The following DOK7 variants were observed in gnomAD, a reference collection of about 807,000 sequenced individuals.
DOK7 encodes docking protein 7.
Under a neutral mutation model 30.7 loss-of-function variants are expected in DOK7, and 32 were observed. The observed-to-expected ratio is 1.04, with a 90% CI of 0.79 to 1.40. DOK7 has a LOEUF of 1.40. DOK7 is among the 40% of genes most tolerant of loss of function. The probability of loss-of-function intolerance (pLI) is 0.00; values close to 1 mark genes in which losing one functional copy is unlikely to be tolerated. For synonymous variants in DOK7, 447 were observed against 324.1 expected (o/e 1.38, Z -4.07); for missense variants, 1,007 against 699.2 (o/e 1.44, Z -4.97).
At chr4:3,489,913 C>G (rs901920675) in intron 6 of DOK7, 117 bp downstream of exon 6, 4 of 1,428,852 alleles carry the variant, frequency 2.8e-6, no homozygotes, top group Non-Finnish European at 3.7e-6. Flanking sequence ...TTCATTCATT[C>G]CTTCTGTCTC....
Position 3,493,338 on chromosome 4 carries a change from G to A in DOK7, c.1352G>A (p.Arg451Gln), listed in dbSNP as rs200675356. ...CCCTCTGGCTGGCTGGGCACGAGAC[G>A]GCGGGGCCTGGTGATGGAGGCCCCC... is the stretch of plus-strand genomic sequence containing the variant. Reference protein sequence around the residue: ...GCPSGWLGTRRRGLVMEAPQG... With the variant: ...GCPSGWLGTRQRGLVMEAPQG... The change falls in exon 7 of 7, where the codon CGG (arginine) becomes CAG (glutamine). Residue 451 changes from arginine (R) to glutamine (Q), a missense_variant. By Grantham distance (43) the Arg-to-Gln change is conservative. Transcript: ENST00000340083. 5.4e-5 allele frequency: 86 copies of A among 1,599,588 alleles called. No individual in the cohort carries two copies. The African/African-American group carries it at 7.8e-4, about 14-fold the overall frequency.
At chr4:3,479,907 C>T (rs968379609) in intron 4 of DOK7, among the ~76,000 whole-genome samples, 6 of 152,332 alleles carry the variant, frequency 3.9e-5, no homozygotes, top group African/African-American at 1.2e-4. Flanking sequence ...TTGGCCCGAG[C>T]GCACTTGGCA....
rs1318051845 is a variant in DOK7, at chr4:3,490,227, CCTCATTCATTCCTTCCTTTTCTCCCTG to C, written c.772+450_772+476del. ...CCCTCATTCATTCCTGTCTTCACCCCCTCATTCATTCCTTCCTTTTCTCCCTGCTCATTCATTCCTTCCTTCCCCACC... is the reference window on the plus strand; with the variant it reads ...CCCTCATTCATTCCTGTCTTCACCCCCTCATTCATTCCTTCCTTCCCCACC... On this transcript the variant is annotated intron_variant, in intron 6 of 6. Coordinates refer to ENST00000340083, the MANE Select transcript of DOK7 (RefSeq NM_173660.5). 1.5e-3 allele frequency among the ~76,000 whole-genome samples: 170 copies of C among 109,834 alleles called. 1 individual carries two copies. Among genetic ancestry groups the C allele is most frequent in the East Asian group, 4.6e-3 (14 of 3,046 alleles). The allele number at this position is 109,834 out of a possible 152,430, so 72.1% of individuals were successfully genotyped here. A position where few individuals can be genotyped will look rare whatever the true frequency, so the allele number is the denominator to read the frequency against.
Position 3,493,382 on chromosome 4 carries a change from C to G in DOK7, c.1396C>G (p.Leu466Val). 6.3e-7 allele frequency: 1 copy of G among 1,593,318 alleles called. No homozygotes were observed. The highest frequency in any genetic ancestry group is 8.5e-7 in the Non-Finnish European group (1 of 1,170,360). The change falls in exon 7 of 7, where the codon CTG becomes GTG. Residue 466 changes from leucine (L) to valine (V), a missense_variant. Physicochemically the swap from Leu to Val is conservative, Grantham distance 32. Transcript: ENST00000340083. ...MEAPQGSEAT[L>V]PGPAPGEPWE... Reference sequence around the variant, plus strand: ...GGCCCCCCAGGGCAGCGAGGCCACACTGCCTGGCCCTGCCCCTGGCGAGCC... The same window carrying G: ...GGCCCCCCAGGGCAGCGAGGCCACAGTGCCTGGCCCTGCCCCTGGCGAGCC...
intron 5 of DOK7, among the ~76,000 whole-genome samples, chr4:3,487,627 G>A (rs1203793064): frequency 2.0e-5 from 3 of 152,184 alleles, no homozygotes; most frequent in African/African-American, 4.8e-5. Flanking sequence ...TGGCCTCCAC[G>A]GGGGTGCACC....
At chr4:3,500,141 C>T (rs1577193621) in intron 6 of DOK7, 29 of 1,307,254 alleles carry the variant, frequency 2.2e-5, no homozygotes, top group South Asian at 4.3e-5. Flanking sequence ...GCAGGAGAGG[C>T]GGAGTGGGGA....
chr4:3,500,254 CCCCAGGACCCGTGGCTGTGGACAG>C lies in DOK7; in HGVS notation c.1122_1145del (p.Val375_Pro382del), dbSNP rs1311387702. ...TTCACAGCCGCTCCCCCCACAGGATCCCCAGGACCCGTGGCTGTGGACAGCCCAGGACCAGAGAGGCCGCGCGGC... is the reference window on the plus strand; with the variant it reads ...TTCACAGCCGCTCCCCCCACAGGATCCCCAGGACCAGAGAGGCCGCGCGGC... On this transcript the variant is annotated inframe_deletion, in exon 7 of 8. Transcript: ENST00000643608. The C allele has an allele frequency of 6.5e-6, 10 of 1,535,600 alleles. No homozygotes were observed. The African/African-American group carries it at 8.2e-5, about 13-fold the overall frequency.
chr4:3,492,478 G>A lies in DOK7; in HGVS notation c.773-281G>A, dbSNP rs546718162. ...GGAGCTCTAGGGAAGGGGAGGAGGC[G>A]GGGACCAAGGTAGTGGCAGGGGTGC... On this transcript the variant is annotated intron_variant, in intron 6 of 6. Coordinates refer to ENST00000340083, the MANE Select transcript of DOK7 (RefSeq NM_173660.5). Among the ~76,000 whole-genome samples the A allele has an allele frequency of 7.2e-5, 11 of 152,206 alleles. No individual in the cohort carries two copies. The South Asian group carries it at 2.1e-3, about 29-fold the overall frequency.
chr4:3,496,744 T>G, downstream of DOK7: 3 of 1,489,336 alleles, frequency 2.0e-6, no homozygotes, highest in Non-Finnish European at 2.7e-6. Context: ...GTAGTGTCCT[T>G]GTTCTCGGTG....
At chr4:3,463,450 C>CGGGGGGGGGGGGGGGGGGGGGGG (rs71180187) in intron 1 of DOK7, 21 bp downstream of exon 1, 14 of 1,230,650 alleles carry the variant, frequency 1.1e-5, no homozygotes, top group South Asian at 5.5e-5. Flanking sequence ...GTCGGGGGCG[C>CGGGGGGGGGGGGGGGGGGGGGGG]GGGGGGGGGG....
rs1316403135 is a variant in DOK7 at position 3,493,833 on chromosome 4, C to G, written c.*332C>G. Reference sequence around the variant, plus strand: ...TTGGCTCGTGCCTTGCACTGGGGTGCCAAGGGCTGGAGGCCCTGCCGCTGG... The same window carrying G: ...TTGGCTCGTGCCTTGCACTGGGGTGGCAAGGGCTGGAGGCCCTGCCGCTGG... On this transcript the variant is annotated 3_prime_UTR_variant, in exon 7 of 7. Transcript: ENST00000340083. The G allele has an allele frequency of 8.3e-7, 1 of 1,210,706 alleles. No individual in the cohort carries two copies. Among genetic ancestry groups the G allele is most frequent in the South Asian group, 2.5e-5 (1 of 39,732 alleles). 75.0% of individuals were successfully genotyped at this position (1,210,706 alleles called of 1,614,324 possible).
intron 4 of DOK7, among the ~76,000 whole-genome samples, chr4:3,484,117 T>C (rs1354765230): frequency 6.6e-6 from 1 of 152,220 alleles, no homozygotes; most frequent in Non-Finnish European, 1.5e-5. Context: ...TGTGTGATGG[T>C]GGACAGGTGG....
At position 3,485,324 on chromosome 4, in the gene DOK7, C is replaced by A. The variant is rs902941599; in HGVS notation, c.533-215C>A. Reference sequence around the variant, plus strand: ...TGGGGAGTCCAGAGGCTCTGGGGACCCAGCTTCACAGAGCCAGGTGGGGTG... The same window carrying A: ...TGGGGAGTCCAGAGGCTCTGGGGACACAGCTTCACAGAGCCAGGTGGGGTG... On this transcript the variant is annotated intron_variant, in intron 4 of 6. Transcript: ENST00000340083. The A allele has an allele frequency of 1.7e-5, 10 of 591,062 alleles. No homozygotes were observed. In the Admixed American group the frequency reaches 2.3e-4, roughly 13 times the overall value. The allele number at this position is 591,062 out of a possible 1,614,324, so 36.6% of individuals were successfully genotyped here.
At chr4:3,476,636 G>T (rs543344523) in intron 4 of DOK7, 94 bp downstream of exon 4, 2 of 1,501,598 alleles carry the variant, frequency 1.3e-6, no homozygotes, top group East Asian at 4.6e-5. Context: ...CCACTTGCAG[G>T]CTGGCCTGCT....
At chr4:3,475,232 A>C (rs984537871) in intron 3 of DOK7, among the ~76,000 whole-genome samples, 3 of 152,270 alleles carry the variant, frequency 2.0e-5, no homozygotes, top group African/African-American at 7.2e-5. Flanking sequence ...AGCCTGGCTC[A>C]GCGGCATGGG....
At chr4:3,488,650 T>C (rs1345623444) in intron 5 of DOK7, among the ~76,000 whole-genome samples, 2 of 152,128 alleles carry the variant, frequency 1.3e-5, no homozygotes, top group African/African-American at 4.8e-5. Context: ...CTCCTGGACT[T>C]TGGGGAGAGC....
chr4:3,468,757 C>CAT (rs1333278412), intron 2 of DOK7, among the ~76,000 whole-genome samples: 6 of 76,696 alleles, frequency 7.8e-5, no homozygotes, highest in South Asian at 9.6e-4. Flanking sequence ...TGTCTGTGTG[C>CAT]GTGTGTGTGT....
chr4:3,482,424 C>T (rs568197272), intron 4 of DOK7, among the ~76,000 whole-genome samples: 3 of 152,366 alleles, frequency 2.0e-5, no homozygotes, highest in Admixed American at 2.0e-4. Flanking sequence ...CCTCACCCTC[C>T]GATAGGACAC....
At chr4:3,498,150 A>G (rs569120647), downstream of DOK7, among the ~76,000 whole-genome samples, 7 of 152,256 alleles carry the variant, frequency 4.6e-5, no homozygotes, top group African/African-American at 1.7e-4. Flanking sequence ...GAGAGTGCAG[A>G]AGGGCCAGCC....
Sources: allele counts gnomAD v4.1 joint callset (sites outside exome capture counted in the v4.1 genomes callset), GRCh38; gene constraint gnomAD v4.1.1; transcripts MANE v1.5; gene names NCBI Gene and HGNC (gene_info 2026-07-23, HGNC 2026-07-21).